MGAT4A: variants seen among roughly 807,000 people sequenced by gnomAD.
MGAT4A encodes the protein alpha-1,3-mannosyl-glycoprotein 4-beta-N-acetylglucosaminyltransferase A, also known as N-acetylglucosaminyltransferase IVa.
A neutral mutation model predicts 74.1 loss-of-function variants in MGAT4A; 33 were observed. The ratio of observed to expected loss-of-function variants is 0.45; its 90% CI spans 0.34 to 0.60. MGAT4A has a LOEUF of 0.60. Among genes scored for constraint, MGAT4A ranks in the 20% least tolerant of loss-of-function variants. The pLI is 0.02. For missense variants in MGAT4A, 479 were observed against 628.3 expected, an observed-to-expected ratio of 0.76 and a Z score of 2.54; for synonymous variants, 198 against 210.4, an observed-to-expected ratio of 0.94 and a Z score of 0.51.
At chr2:98,687,272 CTACA>C (rs1171346708) in intron 2 of MGAT4A, among the ~76,000 whole-genome samples, 1 of 152,150 alleles carries the variant, frequency 6.6e-6, no homozygotes, top group Non-Finnish European at 1.5e-5. Flanking sequence ...ACAAAGATAA[CTACA>C]TAGTTATCTA....
chr2:98,674,976 A>G, intron 4 of MGAT4A, 59 bp downstream of exon 4: 1 of 1,556,076 alleles, frequency 6.4e-7, no homozygotes, highest in Non-Finnish European at 8.7e-7. Context: ...TCAACATAAT[A>G]GTCCAAAACA....
At chr2:98,664,491 C>A (rs1401752575) in intron 4 of MGAT4A, among the ~76,000 whole-genome samples, 1 of 152,116 alleles carries the variant, frequency 6.6e-6, no homozygotes, top group Non-Finnish European at 1.5e-5. Context: ...ATACTGCATA[C>A]AAAATGCACG....
At position 98,621,578 on chromosome 2, in the gene MGAT4A, T is replaced by A; in HGVS notation, c.*3988A>T. The A allele has an allele frequency of 6.5e-7, 1 of 1,545,256 alleles. No homozygotes were observed. Among genetic ancestry groups the A allele is most frequent in the Non-Finnish European group, 8.7e-7 (1 of 1,143,362 alleles). On this transcript the variant is annotated 3_prime_UTR_variant, in exon 16 of 16. Coordinates refer to ENST00000393487, the MANE Select transcript of MGAT4A (RefSeq NM_012214.3). ...CCTTTTGCTACATAACATGATATAA[T>A]CATGGATCAAACAGGTTCCACCCAT...
intron 1 of MGAT4A, among the ~76,000 whole-genome samples, chr2:98,728,577 G>A (rs188718155): frequency 6.6e-6 from 1 of 152,082 alleles, no homozygotes; most frequent in East Asian, 1.9e-4. Flanking sequence ...ACGAAACCCT[G>A]TCTCTATTAA....
chr2:98,653,548 T>C (rs1701613718), intron 8 of MGAT4A, among the ~76,000 whole-genome samples: 1 of 152,042 alleles, frequency 6.6e-6, no homozygotes, highest in Non-Finnish European at 1.5e-5. Context: ...CTAGGAACAA[T>C]TATGTGCCAA....
At chr2:98,679,405 CAAAAAAA>C (rs753919040) in intron 2 of MGAT4A, among the ~76,000 whole-genome samples, 7 of 33,342 alleles carry the variant, frequency 2.1e-4, no homozygotes, top group South Asian at 1.2e-3. Context: ...GACTCCGTCT[CAAAAAAA>C]AAAAAAAAAA....
intron 5 of MGAT4A, among the ~76,000 whole-genome samples, chr2:98,659,330 A>G (rs2104265169): frequency 6.6e-6 from 1 of 152,250 alleles, no homozygotes; most frequent in Admixed American, 6.5e-5. Flanking sequence ...AATTATGAGC[A>G]TTATTTCTCC....
intron 14 of MGAT4A, among the ~76,000 whole-genome samples, chr2:98,634,609 GCA>G (rs1281407293): frequency 4.0e-5 from 6 of 151,572 alleles, no homozygotes; most frequent in Non-Finnish European, 7.4e-5. Context: ...TGAATTGGAG[GCA>G]CAGAGCAGCC....
chr2:98,622,503 C>T lies in MGAT4A; in HGVS notation c.*3063G>A. The T allele has an allele frequency of 1.0e-6, 1 of 985,450 alleles. No individual in the cohort carries two copies. The highest frequency in any genetic ancestry group is 1.7e-5 in the African/African-American group (1 of 57,372). The allele number at this position is 985,450 out of a possible 1,614,324, so 61.0% of individuals were successfully genotyped here. A position where few individuals can be genotyped will look rare whatever the true frequency, so the allele number is the denominator to read the frequency against. On this transcript the variant is annotated 3_prime_UTR_variant, in exon 16 of 16. Transcript: ENST00000393487. ...CTATTTTGGTAAAATGATTCGGCGC[C>T]CTCTCAAGGCAAAGTATTTACCTTC...
At chr2:98,709,631 T>G (rs144018213) in intron 2 of MGAT4A, among the ~76,000 whole-genome samples, 2,350 of 152,264 alleles carry the variant, frequency 0.015, 72 homozygotes, top group African/African-American at 0.054. Flanking sequence ...GAGTATGAGA[T>G]TTCCTGGAAC....
intron 2 of MGAT4A, among the ~76,000 whole-genome samples, chr2:98,689,901 G>T (rs974152688): frequency 2.0e-5 from 3 of 152,048 alleles, no homozygotes; most frequent in African/African-American, 7.3e-5. Context: ...GAGTCACTGG[G>T]ACCCAAGAAA....
At chr2:98,668,979 G>GAGC (rs1388358995) in intron 4 of MGAT4A, among the ~76,000 whole-genome samples, 1 of 152,208 alleles carries the variant, frequency 6.6e-6, no homozygotes, top group Non-Finnish European at 1.5e-5. Flanking sequence ...TTGTACCTAG[G>GAGC]AAGTAACCAG....
At chr2:98,706,369 GTTTTAT>G (rs746522524) in intron 2 of MGAT4A, among the ~76,000 whole-genome samples, 67 of 152,050 alleles carry the variant, frequency 4.4e-4, no homozygotes, top group African/African-American at 1.3e-3. Context: ...AATGATGTGA[GTTTTAT>G]TTTTATTTTT....
rs927713305 is a variant in MGAT4A at position 98,642,837 on chromosome 2, G to A, written c.1020+1086C>T. Among the ~76,000 whole-genome samples, 8 of 152,088 alleles carry A rather than the reference G, an allele frequency of 5.3e-5. No individual in the cohort carries two copies. In the South Asian group the frequency reaches 6.2e-4, roughly 12 times the overall value. ...ATTTCCTCTAACTAAGAATGTGTTG[G>A]GGTTTTTTAAAATTTTTGTGGTTTT... On this transcript the variant is annotated intron_variant, in intron 10 of 15. Coordinates refer to ENST00000393487, the MANE Select transcript of MGAT4A (RefSeq NM_012214.3).
intron 5 of MGAT4A, among the ~76,000 whole-genome samples, chr2:98,662,573 A>G (rs1701767712): frequency 6.6e-6 from 1 of 151,348 alleles, no homozygotes; most frequent in African/African-American, 2.5e-5. Flanking sequence ...CTCATGATTT[A>G]AAAAGAACTT....
intron 4 of MGAT4A, among the ~76,000 whole-genome samples, chr2:98,665,851 C>A (rs1249937834): frequency 6.6e-6 from 1 of 152,194 alleles, no homozygotes; most frequent in Non-Finnish European, 1.5e-5. Context: ...GAGGAAGCAA[C>A]AAGGCCCTGA....
chr2:98,724,207 A>C (rs1333779806), intron 2 of MGAT4A, among the ~76,000 whole-genome samples: 1 of 152,142 alleles, frequency 6.6e-6, no homozygotes, highest in Non-Finnish European at 1.5e-5. Context: ...TGAATGAAAA[A>C]ACAACAAAAA....
chr2:98,623,752 G>C lies in MGAT4A; in HGVS notation c.*1814C>G, dbSNP rs140558935. 26 of 985,268 alleles carry C rather than the reference G, an allele frequency of 2.6e-5. No homozygotes were observed. The African/African-American group carries it at 4.5e-4, about 17-fold the overall frequency. The allele number at this position is 985,268 out of a possible 1,614,324, so 61.0% of individuals were successfully genotyped here. A position where few individuals can be genotyped will look rare whatever the true frequency, so the allele number is the denominator to read the frequency against. Reference sequence around the variant, plus strand: ...ATGGAAATAATTGTACTGTATCAGTGTTTCCAAACGTTTGCACTTTGTAAC... The same window carrying C: ...ATGGAAATAATTGTACTGTATCAGTCTTTCCAAACGTTTGCACTTTGTAAC... On this transcript the variant is annotated 3_prime_UTR_variant, in exon 16 of 16. Coordinates refer to ENST00000393487, the MANE Select transcript of MGAT4A (RefSeq NM_012214.3).
chr2:98,675,240 C>T, intron 3 of MGAT4A, 65 bp from the exon 4 acceptor site: 9 of 1,219,292 alleles, frequency 7.4e-6, no homozygotes, highest in Non-Finnish European at 1.0e-5. Flanking sequence ...TTTTATAAAA[C>T]CAGCAGTAAA....
Sources: allele counts gnomAD v4.1 joint callset (sites outside exome capture counted in the v4.1 genomes callset), GRCh38; gene constraint gnomAD v4.1.1; transcripts MANE v1.5; gene names NCBI Gene and HGNC (gene_info 2026-07-23, HGNC 2026-07-21).